The following STT3B variants were observed in gnomAD, a reference collection of about 807,000 sequenced individuals.
STT3B encodes the protein STT3 oligosaccharyltransferase complex catalytic subunit B.
In STT3B, 29 loss-of-function variants were observed where a neutral mutation model predicts 96.8. The observed-to-expected ratio is 0.30, with a 90% CI of 0.22 to 0.41. The LOEUF (loss-of-function observed/expected upper bound fraction) is 0.41, where lower values mean the gene tolerates loss of function less well. Ranked by LOEUF, STT3B falls within the 10% of genes least tolerant of loss-of-function variation. STT3B has a pLI of 1.00. For missense variants in STT3B, 640 were observed against 1,022.3 expected (o/e 0.63, Z 5.10); for synonymous variants, 367 against 360.0 (o/e 1.02, Z -0.22).
chr3:31,608,953 A>G (rs1015372198), intron 5 of STT3B, among the ~76,000 whole-genome samples: 8 of 152,112 alleles, frequency 5.3e-5, no homozygotes, highest in African/African-American at 1.7e-4. Context: ...CATCTCTACT[A>G]AAAATACAAA....
intron 5 of STT3B, among the ~76,000 whole-genome samples, chr3:31,604,430 A>T (rs1699002387): frequency 3.3e-5 from 5 of 152,282 alleles, no homozygotes. Context: ...GATTGCATGT[A>T]AAAAATCCAG....
chr3:31,618,242 G>A (rs183859966), intron 8 of STT3B, among the ~76,000 whole-genome samples: 1 of 151,474 alleles, frequency 6.6e-6, no homozygotes. Flanking sequence ...TTGTTTGTAA[G>A]AATATTTAGG....
chr3:31,558,244 T>A (rs768486448), intron 1 of STT3B, among the ~76,000 whole-genome samples: 15 of 152,318 alleles, frequency 9.8e-5, no homozygotes, highest in Non-Finnish European at 1.2e-4. Context: ...AAAGTAGATA[T>A]CCTTGTTTTC....
chr3:31,630,298 A>G (rs1699627083), intron 14 of STT3B, among the ~76,000 whole-genome samples: 1 of 152,240 alleles, frequency 6.6e-6, no homozygotes, highest in Non-Finnish European at 1.5e-5. Flanking sequence ...AGAAAGCACC[A>G]GAGGAATCTG....
At chr3:31,570,513 A>G (rs1410124576) in intron 1 of STT3B, among the ~76,000 whole-genome samples, 4 of 152,184 alleles carry the variant, frequency 2.6e-5, no homozygotes, top group Admixed American at 6.5e-5. Context: ...GCACGTTTCT[A>G]TGTAGACAGA....
chr3:31,548,083 G>A (rs1421767852), intron 1 of STT3B, among the ~76,000 whole-genome samples: 2 of 152,176 alleles, frequency 1.3e-5, no homozygotes, highest in African/African-American at 4.8e-5. Context: ...GTTGGAACAG[G>A]AGTGGTGATT....
chr3:31,582,443 TG>T (rs1433512549), intron 3 of STT3B, among the ~76,000 whole-genome samples: 2 of 151,760 alleles, frequency 1.3e-5, no homozygotes, highest in Non-Finnish European at 2.9e-5. Context: ...TACAGGCGCC[TG>T]CCACTACGTG....
intron 1 of STT3B, among the ~76,000 whole-genome samples, chr3:31,559,082 GT>G (rs1208331748): frequency 1.6e-3 from 183 of 116,606 alleles, no homozygotes; most frequent in Middle Eastern, 4.7e-3. Context: ...TGCCTTATTG[GT>G]TTTTTTTTTT....
intron 15 of STT3B, among the ~76,000 whole-genome samples, chr3:31,634,801 A>C (rs1022627494): frequency 6.6e-6 from 1 of 152,196 alleles, no homozygotes; most frequent in Admixed American, 6.5e-5. Flanking sequence ...TCATAGAAAA[A>C]GTATCCTGTT....
intron 1 of STT3B, among the ~76,000 whole-genome samples, chr3:31,553,059 G>C (rs1391061494): frequency 1.4e-5 from 2 of 142,972 alleles, no homozygotes; most frequent in African/African-American, 5.3e-5. Flanking sequence ...TCGAGATCGC[G>C]CCACTGCACT....
intron 3 of STT3B, among the ~76,000 whole-genome samples, chr3:31,583,799 GTCT>G (rs1224337567): frequency 6.6e-6 from 1 of 151,826 alleles, no homozygotes. Flanking sequence ...TTCTCCATTA[GTCT>G]TCTTTTGTGT....
intron 4 of STT3B, among the ~76,000 whole-genome samples, chr3:31,597,148 GATT>G (rs1052884475): frequency 6.6e-6 from 1 of 151,890 alleles, no homozygotes; most frequent in African/African-American, 2.4e-5. Context: ...AATTTTTTAA[GATT>G]ATATTCATTA....
chr3:31,537,125 C>A (rs571000446), intron 1 of STT3B, among the ~76,000 whole-genome samples: 1 of 152,310 alleles, frequency 6.6e-6, no homozygotes, highest in African/African-American at 2.4e-5. Context: ...CAGAAAGTTG[C>A]AAGTTAGAGT....
rs1457783053 is a variant in STT3B, at chr3:31,636,477, A to T, written c.*413A>T. Reference sequence around the variant, plus strand: ...AGCAATATGTAAAATACAAGTGACAAAATGTGATGAGAGCTTCTTGAACCG... The same window carrying T: ...AGCAATATGTAAAATACAAGTGACATAATGTGATGAGAGCTTCTTGAACCG... On this transcript the variant is annotated 3_prime_UTR_variant, in exon 16 of 16. Coordinates refer to ENST00000295770, the MANE Select transcript of STT3B (RefSeq NM_178862.3). 6.5e-6 allele frequency: 1 copy of T among 154,200 alleles called. No homozygotes were observed. The highest frequency in any genetic ancestry group is 1.9e-4 in the East Asian group (1 of 5,258). The allele number at this position is 154,200 out of a possible 1,614,324, so 9.6% of individuals were successfully genotyped here.
intron 5 of STT3B, among the ~76,000 whole-genome samples, chr3:31,613,737 T>C (rs79238573): frequency 6.6e-6 from 1 of 152,058 alleles, no homozygotes; most frequent in South Asian, 2.1e-4. Flanking sequence ...CTGATTTGTT[T>C]AAAAAAATAA....
chr3:31,556,138 G>A (rs577594108), intron 1 of STT3B, among the ~76,000 whole-genome samples: 28 of 151,498 alleles, frequency 1.8e-4, no homozygotes, highest in African/African-American at 6.3e-4. Context: ...TCCCACGAAT[G>A]AGTGAGAACT....
At chr3:31,628,400 G>T (rs896729921) in intron 13 of STT3B, among the ~76,000 whole-genome samples, 1 of 151,982 alleles carries the variant, frequency 6.6e-6, no homozygotes, top group Non-Finnish European at 1.5e-5. Flanking sequence ...TGCATTTTTT[G>T]TGTGTGTGCA....
At chr3:31,621,815 T>C (rs535829303) in intron 9 of STT3B, among the ~76,000 whole-genome samples, 20 of 152,364 alleles carry the variant, frequency 1.3e-4, no homozygotes, top group Non-Finnish European at 2.5e-4. Context: ...TATGATGTTA[T>C]TGACAAATAG....
intron 1 of STT3B, among the ~76,000 whole-genome samples, chr3:31,542,197 C>G (rs1382446025): frequency 6.6e-6 from 1 of 152,116 alleles, no homozygotes; most frequent in Non-Finnish European, 1.5e-5. Context: ...TGCAAAATGA[C>G]TGGTTTTAAA....
Sources: allele counts gnomAD v4.1 joint callset (sites outside exome capture counted in the v4.1 genomes callset), GRCh38; gene constraint gnomAD v4.1.1; transcripts MANE v1.5; gene names NCBI Gene and HGNC (gene_info 2026-07-23, HGNC 2026-07-21).